Variants in EXOSC8 observed in about 807,000 individuals in gnomAD.
EXOSC8 encodes the protein exosome complex component RRP43.
Under a neutral mutation model 39.9 loss-of-function variants are expected in EXOSC8, and 37 were observed. That is an observed-to-expected ratio of 0.93 (90% CI 0.71 to 1.22). EXOSC8 has a LOEUF of 1.22. Ranked by LOEUF, EXOSC8 falls within the 50% of genes most tolerant of loss-of-function variation. EXOSC8 has a pLI of 0.00. For synonymous variants in EXOSC8, 93 were observed against 109.5 expected (o/e 0.85, Z 0.94); for missense variants, 313 against 326.6 (o/e 0.96, Z 0.32).
intron 1 of EXOSC8, chr13:37,001,420 C>G (rs952656986): frequency 6.6e-6 from 1 of 152,160 alleles, no homozygotes; most frequent in Non-Finnish European, 1.5e-5. Flanking sequence ...ATCAATCAAT[C>G]AAGATTGTTG....
chr13:37,004,921 G>T (rs1023216668), intron 5 of EXOSC8, among the ~76,000 whole-genome samples: 12 of 152,094 alleles, frequency 7.9e-5, no homozygotes, highest in African/African-American at 2.7e-4. Flanking sequence ...TTCAAGACCA[G>T]CCTGGGAAAC....
At chr13:37,001,493 C>T (rs1312729343) in intron 1 of EXOSC8, 3 of 152,172 alleles carry the variant, frequency 2.0e-5, no homozygotes, top group Admixed American at 6.5e-5. Flanking sequence ...AGGATCATGC[C>T]TCGTTTGGAA....
chr13:37,006,218 T>A, intron 7 of EXOSC8, 58 bp downstream of exon 7: 1 of 1,154,072 alleles, frequency 8.7e-7, no homozygotes, highest in Non-Finnish European at 1.3e-6. Flanking sequence ...TTTTTTTTTG[T>A]GGGGGAAAGT....
chr13:37,006,454 C>T (rs2059139768), intron 7 of EXOSC8, among the ~76,000 whole-genome samples: 1 of 151,976 alleles, frequency 6.6e-6, no homozygotes, highest in African/African-American at 2.4e-5. Context: ...TTCCTTATAG[C>T]AGATTATAAC....
chr13:37,008,874 G>A, intron 10 of EXOSC8, 39 bp downstream of exon 10: 1 of 1,316,140 alleles, frequency 7.6e-7, no homozygotes, highest in African/African-American at 1.5e-5. Flanking sequence ...ATATGTAGAT[G>A]AAAACTCAGT....
Position 37,009,536 on chromosome 13 carries a change from T to C in EXOSC8, c.*237T>C. ...CTGTTTTTATTTAAAAATGATAAGG[T>C]TGTGCTTCTGTATAAAGTTTGTACA... On this transcript the variant is annotated 3_prime_UTR_variant, in exon 11 of 11. Coordinates refer to ENST00000389704, the MANE Select transcript of EXOSC8 (RefSeq NM_181503.3). The C allele has an allele frequency of 3.6e-6, 4 of 1,101,656 alleles. No individual in the cohort carries two copies. In the South Asian group the frequency reaches 5.5e-5, roughly 15 times the overall value. The allele number at this position is 1,101,656 out of a possible 1,614,324, so 68.2% of individuals were successfully genotyped here.
chr13:37,005,862 CAAAAAAAAA>C (rs59234766), intron 5 of EXOSC8, 49 bp from the exon 6 acceptor site: 25 of 297,036 alleles, frequency 8.4e-5, no homozygotes, highest in South Asian at 5.9e-4. Context: ...GACTCCATCT[CAAAAAAAAA>C]AAAAAAAAAA....
At chr13:37,007,201 A>C (rs1404522075) in intron 8 of EXOSC8, 130 bp downstream of exon 8, 2 of 682,810 alleles carry the variant, frequency 2.9e-6, no homozygotes, top group Non-Finnish European at 5.3e-6. Flanking sequence ...GACTTTCCAA[A>C]TATAGTTGAT....
chr13:37,001,019 G>T (rs1320298731), intron 1 of EXOSC8, among the ~76,000 whole-genome samples, 197 bp downstream of exon 1: 4 of 152,220 alleles, frequency 2.6e-5, no homozygotes, highest in Non-Finnish European at 4.4e-5. Context: ...AGTGAGACGG[G>T]AGATGAAAGG....
At chr13:37,002,188 AC>A (rs2059110649) in intron 1 of EXOSC8, 84 bp from the exon 2 acceptor site, 1 of 990,090 alleles carries the variant, frequency 1.0e-6, no homozygotes, top group South Asian at 1.4e-5. Context: ...ATGCTGCATC[AC>A]CACACTTAAG....
At chr13:37,006,090 C>G in intron 6 of EXOSC8, 25 bp from the exon 7 acceptor site, 2 of 1,602,414 alleles carry the variant, frequency 1.2e-6, no homozygotes, top group Non-Finnish European at 1.7e-6. Flanking sequence ...TTTTCATTTA[C>G]TTTGCTCTTT....
intron 8 of EXOSC8, among the ~76,000 whole-genome samples, chr13:37,007,528 T>C (rs189547631): frequency 9.8e-5 from 15 of 152,332 alleles, no homozygotes; most frequent in Non-Finnish European, 1.3e-4. Flanking sequence ...TTCCCTATCA[T>C]TGATGAATGA....
Position 37,000,830 on chromosome 13 carries a change from TTGGCGGG to T in EXOSC8, c.17+17_17+23del. 2.5e-6 allele frequency: 4 copies of T among 1,572,362 alleles called. No homozygotes were observed. The highest frequency in any genetic ancestry group is 3.5e-6 in the Non-Finnish European group (4 of 1,159,372). On this transcript the variant is annotated intron_variant, in intron 1 of 10. Transcript: ENST00000389704. ...GATGGCGGCTGGGTTCAAGTGAGTG[TTGGCGGG>T]TGGCGGGTAGAGTTCTGTACCCTGG...
chr13:37,002,376 T>G, intron 2 of EXOSC8, 67 bp downstream of exon 2: 1 of 1,426,518 alleles, frequency 7.0e-7, no homozygotes, highest in Admixed American at 1.7e-5. Context: ...GAATTTCAAG[T>G]AATTTAAATT....
chr13:37,007,101 C>T (rs965711020), intron 8 of EXOSC8, 30 bp downstream of exon 8: 1 of 1,316,248 alleles, frequency 7.6e-7, no homozygotes. Flanking sequence ...AGGCAATATT[C>T]CCACTCATGG....
chr13:37,001,963 A>G (rs1352307280), intron 1 of EXOSC8, among the ~76,000 whole-genome samples: 1 of 152,146 alleles, frequency 6.6e-6, no homozygotes, highest in African/African-American at 2.4e-5. Context: ...ATCTTTTTTC[A>G]TGATCACTAG....
chr13:37,009,549 TA>T lies in EXOSC8; in HGVS notation c.*253del. 1 of 1,181,206 alleles carries T rather than the reference TA, an allele frequency of 8.5e-7. No homozygotes were observed. The highest frequency in any genetic ancestry group is 1.2e-6 in the Non-Finnish European group (1 of 801,604). The allele number at this position is 1,181,206 out of a possible 1,614,324, so 73.2% of individuals were successfully genotyped here. Reference sequence around the variant, plus strand: ...AAAATGATAAGGTTGTGCTTCTGTATAAAGTTTGTACATCTAGCAATGTAAA... The same window carrying T: ...AAAATGATAAGGTTGTGCTTCTGTATAAGTTTGTACATCTAGCAATGTAAA... On this transcript the variant is annotated 3_prime_UTR_variant, in exon 11 of 11. Transcript: ENST00000389704.
chr13:37,007,155 C>A, intron 8 of EXOSC8, 84 bp downstream of exon 8: 1 of 833,958 alleles, frequency 1.2e-6, no homozygotes, highest in South Asian at 1.4e-5. Context: ...CATTTGCTTT[C>A]GTATGCTTCC....
Position 37,009,292 on chromosome 13 carries a change from C to T in EXOSC8, c.824C>T (p.Pro275Leu). The T allele has an allele frequency of 1.3e-6, 2 of 1,550,486 alleles. No individual in the cohort carries two copies. The highest frequency in any genetic ancestry group is 1.8e-6 in the Non-Finnish European group (2 of 1,124,736). Residue 275 changes from proline to leucine, a missense_variant, in exon 11 of 11, where the codon CCC becomes CTC. Physicochemically the swap from Pro to Leu is moderately conservative, Grantham distance 98 (BLOSUM62 -3). Transcript: ENST00000389704. ...GATGAAGTAATTAAGAGTATGAAAC[C>T]CAAATAAACAGCCACCACATTTTCA... is the stretch of plus-strand genomic sequence containing the variant. ...LMDEVIKSMKPK is the reference protein window; with the variant it reads ...LMDEVIKSMKLK
Sources: gnomAD v4.1 joint callset for allele counts (sites outside exome capture counted in the v4.1 genomes callset) on GRCh38, gnomAD v4.1.1 for gene constraint, MANE v1.5 for transcripts, NCBI Gene and HGNC (gene_info 2026-07-23, HGNC 2026-07-21) for gene names.